The following RYR2 variants were observed in gnomAD, a reference collection of about 807,000 sequenced individuals.
The protein encoded by RYR2 is ryanodine receptor 2.
A neutral mutation model predicts 601.1 loss-of-function variants in RYR2; 227 were observed. The ratio of observed to expected loss-of-function variants is 0.38; its 90% CI spans 0.34 to 0.42. The LOEUF is 0.42. RYR2 is among the 10% of genes least tolerant of loss of function. The pLI is 1.00. For synonymous variants in RYR2, 2,223 were observed against 2,175.1 expected, an observed-to-expected ratio of 1.02 and a Z score of -0.61; for missense variants, 4,646 against 6,156.5, an observed-to-expected ratio of 0.75 and a Z score of 8.21.
At chr1:237,286,533 CCA>C (rs1691579855) in intron 2 of RYR2, among the ~76,000 whole-genome samples, 1 of 13,690 alleles carries the variant, frequency 7.3e-5, no homozygotes, top group South Asian at 5.4e-3. Flanking sequence ...TCCATTTCTT[CCA>C]ATGTGTAGTT....
chr1:237,722,198 G>T (rs1689784290), intron 73 of RYR2, among the ~76,000 whole-genome samples: 1 of 152,036 alleles, frequency 6.6e-6, no homozygotes, highest in Non-Finnish European at 1.5e-5. Flanking sequence ...GAAGAGCATG[G>T]GTAGCCTTAC....
intron 29 of RYR2, among the ~76,000 whole-genome samples, chr1:237,580,399 C>T (rs969995865): frequency 1.6e-4 from 24 of 151,610 alleles, no homozygotes; most frequent in African/African-American, 5.1e-4. Context: ...TCAGATGATC[C>T]GCCTGCCTCA....
intron 31 of RYR2, among the ~76,000 whole-genome samples, chr1:237,591,334 A>G (rs1404826887): frequency 2.0e-5 from 3 of 151,944 alleles, no homozygotes; most frequent in Admixed American, 6.6e-5. Context: ...TTACTTTTTA[A>G]GATGTCTGTG....
At chr1:237,280,585 G>T (rs1382002957) in intron 2 of RYR2, among the ~76,000 whole-genome samples, 1 of 152,150 alleles carries the variant, frequency 6.6e-6, no homozygotes, top group African/African-American at 2.4e-5. Flanking sequence ...GTGGCAGAAA[G>T]GAAATATCCT....
intron 79 of RYR2, 114 bp downstream of exon 79, chr1:237,733,870 C>T: frequency 1.3e-6 from 1 of 741,984 alleles, no homozygotes. Context: ...TTGTTTGTAG[C>T]ATGAATCTCC....
chr1:237,052,672 C>T (rs1387693209), intron 1 of RYR2, among the ~76,000 whole-genome samples: 3 of 151,744 alleles, frequency 2.0e-5, no homozygotes, highest in Non-Finnish European at 4.4e-5. Flanking sequence ...AGGAGCATGT[C>T]ACAGTTATGA....
At chr1:237,284,137 C>G (rs1691193289) in intron 2 of RYR2, among the ~76,000 whole-genome samples, 1 of 152,114 alleles carries the variant, frequency 6.6e-6, no homozygotes, top group South Asian at 2.1e-4. Context: ...AATCCCAGCA[C>G]TTTGGGAGGC....
chr1:237,406,459 G>A lies in RYR2; in HGVS notation c.774-10590G>A, dbSNP rs191715732. ...TATTTCTATATACTGTTGTTTTTAC[G>A]AAAGAATAGAAAGATAATAGTTCTT... On this transcript the variant is annotated intron_variant, in intron 10 of 104. Coordinates refer to ENST00000366574, the MANE Select transcript of RYR2 (RefSeq NM_001035.3). Among the ~76,000 whole-genome samples, 947 of 151,096 alleles carry A rather than the reference G, an allele frequency of 6.3e-3. 6 individuals carry two copies. The highest frequency in any genetic ancestry group is 9.3e-3 in the Non-Finnish European group (632 of 67,850).
At chr1:237,613,080 TATG>T (rs1191407981) in intron 36 of RYR2, among the ~76,000 whole-genome samples, 1 of 152,060 alleles carries the variant, frequency 6.6e-6, no homozygotes, top group Non-Finnish European at 1.5e-5. Context: ...CAAAGAAAAA[TATG>T]ATGAGTTTCA....
chr1:237,525,333 A>G (rs78896246), intron 24 of RYR2, among the ~76,000 whole-genome samples: 1 of 152,150 alleles, frequency 6.6e-6, no homozygotes, highest in Non-Finnish European at 1.5e-5. Flanking sequence ...TCCATGGTGT[A>G]TATGTACCAT....
chr1:237,213,578 T>C (rs1485356721), intron 1 of RYR2, among the ~76,000 whole-genome samples: 3 of 152,180 alleles, frequency 2.0e-5, no homozygotes, highest in African/African-American at 7.2e-5. Context: ...TTTGCCTGCT[T>C]TTCTAATGGG....
At chr1:237,249,201 CT>C (rs1687214434) in intron 1 of RYR2, among the ~76,000 whole-genome samples, 1 of 152,136 alleles carries the variant, frequency 6.6e-6, no homozygotes, top group African/African-American at 2.4e-5. Flanking sequence ...TTAGTAATTT[CT>C]TTGTCCAACC....
At chr1:237,633,765 T>C (rs905231568) in intron 43 of RYR2, 55 bp downstream of exon 43, 11 of 1,504,334 alleles carry the variant, frequency 7.3e-6, no homozygotes, top group African/African-American at 1.4e-5. Context: ...AATATTACAT[T>C]TAAAAAGCAA....
chr1:237,467,857 G>A (rs1026004991), intron 16 of RYR2, among the ~76,000 whole-genome samples: 2 of 125,362 alleles, frequency 1.6e-5, no homozygotes, highest in Admixed American at 1.7e-4. Flanking sequence ...GATTTTCTCT[G>A]CTTTTTTTTT....
At chr1:237,705,677 A>T (rs2149051819) in intron 67 of RYR2, among the ~76,000 whole-genome samples, 1 of 152,262 alleles carries the variant, frequency 6.6e-6, no homozygotes, top group South Asian at 2.1e-4. Context: ...CCTAGACGTA[A>T]TCCCAGGTTT....
chr1:237,736,020 A>T (rs1270651609), intron 79 of RYR2, among the ~76,000 whole-genome samples: 1 of 152,144 alleles, frequency 6.6e-6, no homozygotes, highest in African/African-American at 2.4e-5. Context: ...AGTTTCACAA[A>T]ATTTTACTCT....
At chr1:237,325,290 A>G (rs1443791796) in intron 2 of RYR2, among the ~76,000 whole-genome samples, 1 of 152,252 alleles carries the variant, frequency 6.6e-6, no homozygotes, top group Admixed American at 6.5e-5. Flanking sequence ...GGTAATTTAT[A>G]TAGCGTGAAC....
chr1:237,471,646 A>G (rs2618681), intron 17 of RYR2, among the ~76,000 whole-genome samples: 123,608 of 152,164 alleles, frequency 0.81, 50,480 homozygotes, highest in East Asian at 0.99. Context: ...GAGAGAAAAG[A>G]CATGAACAGA....
At chr1:237,384,225 T>C (rs1701792712) in intron 8 of RYR2, among the ~76,000 whole-genome samples, 1 of 152,240 alleles carries the variant, frequency 6.6e-6, no homozygotes, top group Admixed American at 6.5e-5. Flanking sequence ...TGCTTATGGT[T>C]CTCTCATATT....
Sources: gnomAD v4.1 joint callset for allele counts (sites outside exome capture counted in the v4.1 genomes callset) on GRCh38, gnomAD v4.1.1 for gene constraint, MANE v1.5 for transcripts, NCBI Gene and HGNC (gene_info 2026-07-23, HGNC 2026-07-21) for gene names.